Variants in GMFB observed in about 807,000 individuals in gnomAD.
GMFB encodes glia maturation factor beta, also known as GMF-beta.
Under a neutral mutation model 25.6 loss-of-function variants are expected in GMFB, and 13 were observed. The ratio of observed to expected loss-of-function variants is 0.51; its 90% CI spans 0.33 to 0.81. The LOEUF (loss-of-function observed/expected upper bound fraction) is 0.81, where lower values mean the gene tolerates loss of function less well. Among genes scored for constraint, GMFB ranks in the 30% least tolerant of loss-of-function variants. GMFB has a pLI of 0.02. For missense variants in GMFB, 146 were observed against 175.4 expected (o/e 0.83, Z 0.95); for synonymous variants, 57 against 56.9 (o/e 1.00, Z 0.00).
intron 6 of GMFB, 130 bp from the exon 7 acceptor site, chr14:54,478,289 A>C: frequency 2.2e-6 from 1 of 456,904 alleles, no homozygotes. Context: ...AGTATTAAAT[A>C]CCAAATTCTG....
chr14:54,488,119 T>C (rs2031814040), intron 1 of GMFB, among the ~76,000 whole-genome samples: 1 of 152,234 alleles, frequency 6.6e-6, no homozygotes, highest in Non-Finnish European at 1.5e-5. Context: ...GGGCTGAGAA[T>C]TGAGTGGATG....
chr14:54,486,427 T>G (rs776741990), intron 1 of GMFB, among the ~76,000 whole-genome samples: 60 of 151,936 alleles, frequency 3.9e-4, no homozygotes, highest in Non-Finnish European at 7.9e-4. Context: ...GAGTAAGACC[T>G]CAAAAGCACA....
intron 1 of GMFB, chr14:54,483,974 C>CATATATATGTAAGGT (rs1399583991): frequency 1.5e-6 from 1 of 664,136 alleles, no homozygotes; most frequent in Non-Finnish European, 2.8e-6. Flanking sequence ...TTGTTCATCT[C>CATATATATGTAAGGT]ATATATGTAA....
intron 3 of GMFB, 23 bp downstream of exon 3, chr14:54,482,130 T>C: frequency 6.9e-7 from 1 of 1,439,596 alleles, no homozygotes; most frequent in Non-Finnish European, 9.8e-7. Flanking sequence ...ACTATAAAAT[T>C]GTATTTAGTT....
chr14:54,478,162 TTAA>T lies in GMFB; in HGVS notation c.358-6_358-4del. 8.2e-7 allele frequency: 1 copy of T among 1,218,916 alleles called. No individual in the cohort carries two copies. The highest frequency in any genetic ancestry group is 1.1e-6 in the Non-Finnish European group (1 of 899,054). The allele number at this position is 1,218,916 out of a possible 1,614,324, so 75.5% of individuals were successfully genotyped here. ...TCGGTATTTCTTATTTCAAATACCTTTAAAAAAAAAAAAAACTTGGGTCATACT... is the reference window on the plus strand; with the variant it reads ...TCGGTATTTCTTATTTCAAATACCTTAAAAAAAAAAAACTTGGGTCATACT... On this transcript the variant is annotated splice_polypyrimidine_tract_variant and splice_region_variant and intron_variant, in intron 6 of 6. Transcript: ENST00000358056.
intron 4 of GMFB, 128 bp from the exon 5 acceptor site, chr14:54,481,084 C>CA (rs1278438515): frequency 1.0e-5 from 6 of 580,240 alleles, no homozygotes; most frequent in Non-Finnish European, 1.9e-5. Flanking sequence ...TATCTTTCCA[C>CA]AAAATTAAAT....
chr14:54,475,214 C>T lies in GMFB; in HGVS notation c.*2874G>A, dbSNP rs1387551019. On this transcript the variant is annotated 3_prime_UTR_variant, in exon 7 of 7. Coordinates refer to ENST00000358056, the MANE Select transcript of GMFB (RefSeq NM_004124.3). Reference sequence around the variant, plus strand: ...AAGCAGTCCAAACATTTTTTAAGTACACCTTCCTTAATATCTATATGGGTT... The same window carrying T: ...AAGCAGTCCAAACATTTTTTAAGTATACCTTCCTTAATATCTATATGGGTT... 2.6e-5 allele frequency: 4 copies of T among 152,540 alleles called. No individual in the cohort carries two copies. Among genetic ancestry groups the T allele is most frequent in the Non-Finnish European group, 5.9e-5 (4 of 67,988 alleles). 9.4% of individuals were successfully genotyped at this position (152,540 alleles called of 1,614,324 possible).
At chr14:54,483,823 TA>T in intron 1 of GMFB, 56 bp from the exon 2 acceptor site, 1 of 955,772 alleles carries the variant, frequency 1.0e-6, no homozygotes, top group Non-Finnish European at 1.7e-6. Context: ...ATGTACATGT[TA>T]AAGTTATGAA....
chr14:54,477,732 C>G lies in GMFB; in HGVS notation c.*356G>C, dbSNP rs2140030447. 1 of 175,206 alleles carries G rather than the reference C, an allele frequency of 5.7e-6. No individual in the cohort carries two copies. Among genetic ancestry groups the G allele is most frequent in the East Asian group, 1.6e-4 (1 of 6,428 alleles). The allele number at this position is 175,206 out of a possible 1,614,324, so 10.9% of individuals were successfully genotyped here. A position where few individuals can be genotyped will look rare whatever the true frequency, so the allele number is the denominator to read the frequency against. On this transcript the variant is annotated 3_prime_UTR_variant, in exon 7 of 7. Transcript: ENST00000358056. ...TAAACTGCTAATATCCAGTATTTGT[C>G]AAAAGGAGGCAACTGTTGTCTCTCA...
chr14:54,487,997 C>A (rs1292502917), intron 1 of GMFB, among the ~76,000 whole-genome samples: 3 of 152,090 alleles, frequency 2.0e-5, no homozygotes, highest in African/African-American at 7.2e-5. Flanking sequence ...GAGAATGCTT[C>A]AAAAACAAGA....
intron 1 of GMFB, among the ~76,000 whole-genome samples, chr14:54,488,008 G>C (rs552169550): frequency 6.6e-6 from 1 of 152,188 alleles, no homozygotes; most frequent in East Asian, 1.9e-4. Context: ...AAAAACAAGA[G>C]AGTATAACAC....
intron 1 of GMFB, among the ~76,000 whole-genome samples, chr14:54,486,853 C>T (rs996859368): frequency 3.1e-5 from 4 of 128,450 alleles, no homozygotes; most frequent in African/African-American, 1.2e-4. Flanking sequence ...CTCTCTTAAC[C>T]ACTACAAAGG....
At chr14:54,481,319 A>G (rs1594633506) in intron 4 of GMFB, 90 bp downstream of exon 4, 1 of 850,408 alleles carries the variant, frequency 1.2e-6, no homozygotes, top group East Asian at 2.5e-5. Context: ...ATGACACAGA[A>G]GGATACTTTT....
chr14:54,488,895 C>T (rs201519423), intron 1 of GMFB, 30 bp downstream of exon 1: 19,964 of 1,554,006 alleles, frequency 0.013, 430 homozygotes, highest in South Asian at 0.07. Context: ...GCCCAGCCCT[C>T]CGGCCCCCGC....
rs1292787556 is a variant in GMFB, at chr14:54,474,972, AAC to A, written c.*3114_*3115del. The A allele has an allele frequency of 1.3e-5, 2 of 152,604 alleles. No homozygotes were observed. The highest frequency in any genetic ancestry group is 2.9e-5 in the Non-Finnish European group (2 of 68,014). The allele number at this position is 152,604 out of a possible 1,614,324, so 9.5% of individuals were successfully genotyped here. A position where few individuals can be genotyped will look rare whatever the true frequency, so the allele number is the denominator to read the frequency against. Reference sequence around the variant, plus strand: ...ATAAGATTTGTCCAGAAATGTTTGAAACACATCCTCACAAAAGTTGTAATGGC... The same window carrying A: ...ATAAGATTTGTCCAGAAATGTTTGAAACATCCTCACAAAAGTTGTAATGGC... On this transcript the variant is annotated 3_prime_UTR_variant, in exon 7 of 7. Coordinates refer to ENST00000358056, the MANE Select transcript of GMFB (RefSeq NM_004124.3).
At chr14:54,480,745 G>A (rs1157724508) in intron 5 of GMFB, 129 bp downstream of exon 5, 3 of 614,470 alleles carry the variant, frequency 4.9e-6, no homozygotes, top group Middle Eastern at 3.5e-4. Flanking sequence ...GACACACATA[G>A]ACACAGACCC....
At position 54,479,840 on chromosome 14, in the gene GMFB, C is replaced by T; in HGVS notation, c.303G>A (p.Gln101=). ...TATTCTTACTTCCAGCATACATCAT[C>T]TGTTGTTCAGGCTTACATCCTGGAA... ...SSPVGCKPEQ[Q]MMYAGSKNKL... Residue 101 remains glutamine (Q), a synonymous_variant, in exon 6 of 7, where the codon CAG becomes CAA. Coordinates refer to ENST00000358056, the MANE Select transcript of GMFB (RefSeq NM_004124.3). 1 of 1,603,322 alleles carries T rather than the reference C, an allele frequency of 6.2e-7. No homozygotes were observed. The highest frequency in any genetic ancestry group is 8.5e-7 in the Non-Finnish European group (1 of 1,170,606).
chr14:54,476,973 T>C lies in GMFB; in HGVS notation c.*1115A>G, dbSNP rs1566496110. Reference sequence around the variant, plus strand: ...CAGGCATCCAGTTCAGAATATCTTCTGACATTTAGGATATAAGATGTGATT... The same window carrying C: ...CAGGCATCCAGTTCAGAATATCTTCCGACATTTAGGATATAAGATGTGATT... On this transcript the variant is annotated 3_prime_UTR_variant, in exon 7 of 7. Coordinates refer to ENST00000358056, the MANE Select transcript of GMFB (RefSeq NM_004124.3). The C allele has an allele frequency of 6.6e-6, 1 of 152,032 alleles. No individual in the cohort carries two copies. Among genetic ancestry groups the C allele is most frequent in the Non-Finnish European group, 1.5e-5 (1 of 67,890 alleles). 9.4% of individuals were successfully genotyped at this position (152,032 alleles called of 1,614,324 possible).
intron 1 of GMFB, chr14:54,488,533 G>A: frequency 4.8e-6 from 1 of 209,962 alleles, no homozygotes; most frequent in Non-Finnish European, 9.5e-6. Flanking sequence ...CTGGAACCTG[G>A]CCACGGCCCT....
Sources: gnomAD v4.1 joint callset for allele counts (sites outside exome capture counted in the v4.1 genomes callset) on GRCh38, gnomAD v4.1.1 for gene constraint, MANE v1.5 for transcripts, NCBI Gene and HGNC (gene_info 2026-07-23, HGNC 2026-07-21) for gene names.